The following SAMMSON variants were observed in gnomAD, a reference collection of about 807,000 sequenced individuals.
SAMMSON encodes the protein long intergenic non-protein coding RNA 1212.
chr3:70,278,236 T>C (rs535363680), intron 6 of SAMMSON, among the ~76,000 whole-genome samples: 6 of 152,222 alleles, frequency 3.9e-5, no homozygotes, highest in Non-Finnish European at 7.3e-5. Context: ...GTCTGAAAGA[T>C]TCATTTACAT....
intron 3 of SAMMSON, among the ~76,000 whole-genome samples, chr3:70,050,219 G>A (rs1236215630): frequency 1.3e-5 from 2 of 152,074 alleles, no homozygotes; most frequent in South Asian, 2.1e-4. Flanking sequence ...CTTTCTACTC[G>A]ATTAAAAATA....
At chr3:70,370,281 T>G (rs374587732) in intron 9 of SAMMSON, among the ~76,000 whole-genome samples, 1 of 152,146 alleles carries the variant, frequency 6.6e-6, no homozygotes, top group African/African-American at 2.4e-5. Context: ...CATGTGGATG[T>G]AGGTATCCCT....
chr3:70,372,668 T>G (rs1702980397), intron 9 of SAMMSON, among the ~76,000 whole-genome samples: 1 of 152,222 alleles, frequency 6.6e-6, no homozygotes, highest in South Asian at 2.1e-4. Flanking sequence ...GCATACGTGT[T>G]CCAGAAATAT....
chr3:70,250,120 G>A (rs750813769), intron 6 of SAMMSON, among the ~76,000 whole-genome samples: 1 of 152,134 alleles, frequency 6.6e-6, no homozygotes, highest in Non-Finnish European at 1.5e-5. Context: ...TAAGCCAGGG[G>A]ATTTTTTAGC....
intron 2 of SAMMSON, among the ~76,000 whole-genome samples, chr3:70,423,682 T>C (rs191250778): frequency 1.6e-3 from 251 of 152,324 alleles, no homozygotes; most frequent in African/African-American, 5.8e-3. Flanking sequence ...GTCTAAAAAG[T>C]ATAGGCTCAG....
chr3:70,226,703 A>G (rs954994948), intron 4 of SAMMSON, among the ~76,000 whole-genome samples: 19 of 143,270 alleles, frequency 1.3e-4, no homozygotes, highest in Admixed American at 3.7e-4. Flanking sequence ...GTGCCACTCC[A>G]CTCCAGCCTG....
intron 3 of SAMMSON, among the ~76,000 whole-genome samples, chr3:70,017,948 T>G (rs1320669692): frequency 6.6e-6 from 1 of 152,178 alleles, no homozygotes; most frequent in Non-Finnish European, 1.5e-5. Flanking sequence ...GTGATCATGG[T>G]GGATAAGCTT....
chr3:70,246,796 A>AG (rs1559544040), intron 4 of SAMMSON, among the ~76,000 whole-genome samples: 2 of 152,074 alleles, frequency 1.3e-5, no homozygotes. Context: ...ACATTTTTAG[A>AG]GGGAAAAAAA....
rs143670243 is a variant in SAMMSON, at chr3:70,245,100, C to G, written n.508-4007C>G. 6.2e-3 allele frequency among the ~76,000 whole-genome samples: 942 copies of G among 152,262 alleles called. 7 individuals carry two copies. The highest frequency in any genetic ancestry group is 0.021 in the African/African-American group (870 of 41,560). On this transcript the variant is annotated intron_variant and non_coding_transcript_variant, in intron 4 of 9. Coordinates refer to ENST00000642114, the Ensembl canonical transcript of SAMMSON. Reference sequence around the variant, plus strand: ...AAGAGGAGAAGTCATTACTAGAAACCTAAGCTCATTTCCTCTCCTTTAATA... The same window carrying G: ...AAGAGGAGAAGTCATTACTAGAAACGTAAGCTCATTTCCTCTCCTTTAATA...
intron 7 of SAMMSON, among the ~76,000 whole-genome samples, chr3:70,339,563 A>G (rs1238524845): frequency 1.3e-5 from 2 of 152,160 alleles, no homozygotes; most frequent in Non-Finnish European, 2.9e-5. Flanking sequence ...ACAAGAAAAA[A>G]TCAAACAACC....
intron 4 of SAMMSON, among the ~76,000 whole-genome samples, chr3:70,209,200 C>A (rs1294142131): frequency 6.6e-6 from 1 of 151,972 alleles, no homozygotes; most frequent in Non-Finnish European, 1.5e-5. Context: ...TATTTTGGGC[C>A]AGATAATTTT....
Position 70,064,992 on chromosome 3 carries a change from G to A in SAMMSON, n.418-6484G>A, listed in dbSNP as rs138204276. Among the ~76,000 whole-genome samples, 365 of 152,116 alleles carry A rather than the reference G, an allele frequency of 2.4e-3. 1 individual carries two copies. Among genetic ancestry groups the A allele is most frequent in the South Asian group, 1.0e-2 (48 of 4,814 alleles). On this transcript the variant is annotated intron_variant and non_coding_transcript_variant, in intron 3 of 9. Transcript: ENST00000642114. ...TCTTTAATGCAATGTAATGTACTGA[G>A]CCAGAAAAATAATACTGCAGTTTGA...
chr3:70,266,021 A>G (rs371672986), intron 6 of SAMMSON, among the ~76,000 whole-genome samples: 1 of 152,206 alleles, frequency 6.6e-6, no homozygotes, highest in East Asian at 1.9e-4. Context: ...AAGCCTAATC[A>G]TATCACCAAA....
intron 4 of SAMMSON, among the ~76,000 whole-genome samples, chr3:70,109,024 A>G (rs1029699061): frequency 3.3e-5 from 5 of 152,104 alleles, no homozygotes; most frequent in Non-Finnish European, 7.4e-5. Context: ...CCTTGGAGTG[A>G]TGTTGGCCCC....
chr3:70,166,832 C>T (rs2067639304), intron 4 of SAMMSON, among the ~76,000 whole-genome samples: 1 of 151,800 alleles, frequency 6.6e-6, no homozygotes, highest in African/African-American at 2.4e-5. Context: ...CAATAAGTGT[C>T]AACAGATTTT....
At chr3:70,201,486 C>T (rs1288229285) in intron 4 of SAMMSON, among the ~76,000 whole-genome samples, 1 of 152,056 alleles carries the variant, frequency 6.6e-6, no homozygotes, top group Non-Finnish European at 1.5e-5. Context: ...TTTGCTATTG[C>T]AAATTTTGTG....
intron 4 of SAMMSON, among the ~76,000 whole-genome samples, chr3:70,157,397 T>C (rs2067596299): frequency 6.6e-6 from 1 of 152,026 alleles, no homozygotes; most frequent in Non-Finnish European, 1.5e-5. Flanking sequence ...TGAATCAAAA[T>C]ATACGCTGAG....
At chr3:70,042,014 T>C (rs892134763) in intron 3 of SAMMSON, among the ~76,000 whole-genome samples, 5 of 152,044 alleles carry the variant, frequency 3.3e-5, no homozygotes, top group Non-Finnish European at 7.4e-5. Context: ...TTGAATGAGG[T>C]TGCTTTTTTG....
In SAMMSON at chr3:70,355,691, A is replaced by C. The variant is rs9864822; in HGVS notation, n.842+1414A>C. On this transcript the variant is annotated intron_variant and non_coding_transcript_variant, in intron 8 of 9. Transcript: ENST00000642114. ...AGAAAATAGACGGCAAGAAATTATT[A>C]AATAAGTAATGCAAGCGTAACTTTT... Among the ~76,000 whole-genome samples, 41 of 152,208 alleles carry C rather than the reference A, an allele frequency of 2.7e-4. 1 individual carries two copies. The highest frequency in any genetic ancestry group is 7.9e-4 in the Admixed American group (12 of 15,276).
Sources: allele counts gnomAD v4.1 joint callset (sites outside exome capture counted in the v4.1 genomes callset), GRCh38; gene constraint gnomAD v4.1.1; transcripts MANE v1.5; gene names NCBI Gene and HGNC (gene_info 2026-07-23, HGNC 2026-07-21).